Variants in TM6SF1 observed in about 807,000 individuals in gnomAD.
TM6SF1 encodes transmembrane 6 superfamily member 1.
In TM6SF1, 43 loss-of-function variants were observed where a neutral mutation model predicts 47.1. The ratio of observed to expected loss-of-function variants is 0.91; its 90% CI spans 0.72 to 1.18. The LOEUF (loss-of-function observed/expected upper bound fraction) is 1.18, where lower values mean the gene tolerates loss of function less well. TM6SF1 is among the 50% of genes most tolerant of loss of function. TM6SF1 has a pLI of 0.00. For synonymous variants in TM6SF1, 177 were observed against 166.3 expected, an observed-to-expected ratio of 1.06 and a Z score of -0.49; for missense variants, 390 against 449.0, an observed-to-expected ratio of 0.87 and a Z score of 1.19.
intron 9 of TM6SF1, chr15:83,135,726 G>GTAT (rs1489758562): frequency 2.0e-5 from 3 of 152,162 alleles, no homozygotes; most frequent in African/African-American, 7.2e-5. Context: ...TGCAAATGCG[G>GTAT]ATAATGCTGA....
chr15:83,127,247 G>T, intron 8 of TM6SF1, 111 bp from the exon 9 acceptor site: 1 of 1,146,002 alleles, frequency 8.7e-7, no homozygotes, highest in East Asian at 2.9e-5. Context: ...TCCCATATAG[G>T]AAATAGGAAT....
chr15:83,121,801 A>G, intron 4 of TM6SF1, 120 bp from the exon 5 acceptor site: 3 of 733,190 alleles, frequency 4.1e-6, no homozygotes, highest in South Asian at 3.6e-5. Flanking sequence ...TCTCAATTCA[A>G]TATGTTTTGA....
At chr15:83,109,412 G>A (rs907661494) in intron 1 of TM6SF1, among the ~76,000 whole-genome samples, 6 of 152,210 alleles carry the variant, frequency 3.9e-5, no homozygotes, top group African/African-American at 1.4e-4. Flanking sequence ...GATGGTGATG[G>A]CATTTACTGA....
chr15:83,122,732 C>A (rs2035383555), intron 5 of TM6SF1, 25 bp from the exon 6 acceptor site: 2 of 1,608,538 alleles, frequency 1.2e-6, no homozygotes, highest in South Asian at 2.2e-5. Flanking sequence ...TTGGTAACTT[C>A]TTTCTCTTTC....
intron 1 of TM6SF1, among the ~76,000 whole-genome samples, chr15:83,110,954 T>C (rs1013882083): frequency 1.3e-5 from 2 of 152,186 alleles, no homozygotes; most frequent in African/African-American, 4.8e-5. Flanking sequence ...CACTGCAGCC[T>C]CCAACCCCCA....
chr15:83,112,938 A>G, intron 2 of TM6SF1, 38 bp downstream of exon 2: 1 of 1,460,642 alleles, frequency 6.8e-7, no homozygotes, highest in Middle Eastern at 1.7e-4. Context: ...GTATCTGATT[A>G]ATAACACAAT....
At chr15:83,124,253 A>G (rs1462208818) in intron 6 of TM6SF1, among the ~76,000 whole-genome samples, 2 of 152,164 alleles carry the variant, frequency 1.3e-5, no homozygotes, top group African/African-American at 4.8e-5. Context: ...AATTGTTCCT[A>G]ATTTTGTGAA....
chr15:83,127,170 A>C (rs575450538), intron 8 of TM6SF1, among the ~76,000 whole-genome samples, 188 bp from the exon 9 acceptor site: 1 of 151,906 alleles, frequency 6.6e-6, no homozygotes, highest in Admixed American at 6.6e-5. Context: ...CTCCAGCCTG[A>C]GTGACAGAGT....
intron 9 of TM6SF1, chr15:83,134,365 C>T (rs1026938039): frequency 1.3e-5 from 2 of 152,272 alleles, no homozygotes; most frequent in South Asian, 2.1e-4. Flanking sequence ...AGATTACAGG[C>T]GTCTGCCACC....
chr15:83,126,100 G>A (rs1439895364), intron 7 of TM6SF1, among the ~76,000 whole-genome samples: 2 of 152,178 alleles, frequency 1.3e-5, no homozygotes, highest in African/African-American at 4.8e-5. Flanking sequence ...GTGCATGCAA[G>A]GTGGGTAGGG....
At position 83,122,819 on chromosome 15, in the gene TM6SF1, G is replaced by C; in HGVS notation, c.544G>C (p.Val182Leu). 1 of 1,613,994 alleles carries C rather than the reference G, an allele frequency of 6.2e-7. No individual in the cohort carries two copies. Among genetic ancestry groups the C allele is most frequent in the African/African-American group, 1.3e-5 (1 of 74,990 alleles). ...AAGCATACCATATACTTGTCTTCCT[G>C]TCTGGGCTGGTTTCAGAATCTATAA... ...FLSIPYTCLP[V>L]WAGFRIYNQP... Residue 182 changes from valine to leucine, a missense_variant, in exon 6 of 10, where the codon GTC becomes CTC. Val to Leu is a conservative substitution (Grantham distance 32). Coordinates refer to ENST00000322019, the MANE Select transcript of TM6SF1 (RefSeq NM_023003.5).
chr15:83,124,024 A>G (rs532261127), intron 6 of TM6SF1, among the ~76,000 whole-genome samples: 2 of 152,334 alleles, frequency 1.3e-5, no homozygotes, highest in South Asian at 4.1e-4. Flanking sequence ...AGATACCACC[A>G]AAGATTTACA....
rs749072178 is a variant in TM6SF1 at position 83,126,824 on chromosome 15, C to A, written c.778C>A (p.Pro260Thr). 1 of 1,613,514 alleles carries A rather than the reference C, an allele frequency of 6.2e-7. No individual in the cohort carries two copies. The highest frequency in any genetic ancestry group is 8.5e-7 in the Non-Finnish European group (1 of 1,179,666). Residue 260 changes from proline to threonine, a missense_variant, in exon 8 of 10, where the codon CCT (proline) becomes ACT (threonine). Transcript: ENST00000322019. ...ATTTCAAGAGCCCTATCTAAAGGAT[C>A]CTGCTGCTTATCCTAAAATTCAGGT... ...TQFQEPYLKD[P>T]AAYPKIQMLA...
At chr15:83,110,210 C>G (rs569742985) in intron 1 of TM6SF1, among the ~76,000 whole-genome samples, 2 of 152,300 alleles carry the variant, frequency 1.3e-5, no homozygotes, top group African/African-American at 4.8e-5. Flanking sequence ...CTGAGAGAGA[C>G]ACACTGCTCA....
chr15:83,122,782 T>A lies in TM6SF1; in HGVS notation c.507T>A (p.Pro169=). ...GGAAGTATGGAACACGAATTTGCCC[T>A]GCTTTTTTCTTAAGCATACCATATA... The part of the protein sequence containing the change: ...IVGKYGTRIC[P]AFFLSIPYTC... The change falls in exon 6 of 10, where the codon CCT becomes CCA. Residue 169 remains proline, a synonymous_variant. Coordinates refer to ENST00000322019, the MANE Select transcript of TM6SF1 (RefSeq NM_023003.5). 1 of 1,614,110 alleles carries A rather than the reference T, an allele frequency of 6.2e-7. No individual in the cohort carries two copies. Among genetic ancestry groups the A allele is most frequent in the Non-Finnish European group, 8.5e-7 (1 of 1,180,010 alleles).
intron 9 of TM6SF1, chr15:83,132,290 C>T (rs893281618): frequency 2.6e-5 from 4 of 152,182 alleles, no homozygotes; most frequent in African/African-American, 9.7e-5. Flanking sequence ...AACCTGAAGA[C>T]AAACTAATTA....
chr15:83,136,803 T>C lies in TM6SF1; in HGVS notation c.*131T>C. ...ATGTACATTCTTGCTCTGCACTGTA[T>C]GTGTGAGCTATATGGTATTGTGTAA... On this transcript the variant is annotated 3_prime_UTR_variant, in exon 10 of 10. Transcript: ENST00000322019. 5.5e-6 allele frequency: 4 copies of C among 723,244 alleles called. No individual in the cohort carries two copies. The highest frequency in any genetic ancestry group is 8.7e-6 in the Non-Finnish European group (4 of 459,460). The allele number at this position is 723,244 out of a possible 1,614,324, so 44.8% of individuals were successfully genotyped here. A position where few individuals can be genotyped will look rare whatever the true frequency, so the allele number is the denominator to read the frequency against.
At chr15:83,115,186 C>G (rs557392886) in intron 2 of TM6SF1, 1 of 156,532 alleles carries the variant, frequency 6.4e-6, no homozygotes, top group Admixed American at 6.3e-5. Context: ...GGTGTGATCT[C>G]GGCTCACTGC....
chr15:83,118,614 G>A (rs2034919620), intron 3 of TM6SF1, among the ~76,000 whole-genome samples: 1 of 152,146 alleles, frequency 6.6e-6, no homozygotes. Context: ...CTTGCCCCAG[G>A]GGAGCATGAA....
Sources: allele counts gnomAD v4.1 joint callset (sites outside exome capture counted in the v4.1 genomes callset), GRCh38; gene constraint gnomAD v4.1.1; transcripts MANE v1.5; gene names NCBI Gene and HGNC (gene_info 2026-07-23, HGNC 2026-07-21).